ACVR2B: variants seen among roughly 807,000 people sequenced by gnomAD.
ACVR2B encodes activin A receptor type 2B, also known as activin receptor type-2B.
A neutral mutation model predicts 65.1 loss-of-function variants in ACVR2B; 18 were observed. That is an observed-to-expected ratio of 0.28 (90% CI 0.19 to 0.41). The LOEUF is 0.41. Ranked by LOEUF, ACVR2B falls within the 10% of genes least tolerant of loss-of-function variation. The probability of loss-of-function intolerance (pLI) is 1.00; values close to 1 mark genes in which losing one functional copy is unlikely to be tolerated. For synonymous variants in ACVR2B, 298 were observed against 277.7 expected, an observed-to-expected ratio of 1.07 and a Z score of -0.73; for missense variants, 482 against 682.7, an observed-to-expected ratio of 0.71 and a Z score of 3.28.
At chr3:38,454,404 G>A (rs1709505292) in intron 1 of ACVR2B, 30 bp downstream of exon 1, 1 of 1,245,166 alleles carries the variant, frequency 8.0e-7, no homozygotes, top group African/African-American at 1.6e-5. Context: ...CGGGGACGCC[G>A]AGAGGGCGCG....
In ACVR2B at chr3:38,477,426, C is replaced by T. The variant is rs751031604; in HGVS notation, c.192C>T (p.Arg64=). 5.6e-6 allele frequency: 9 copies of T among 1,614,056 alleles called. No individual in the cohort carries two copies. The African/African-American group carries it at 1.1e-4, about 19-fold the overall frequency. ...GGCTGCACTGCTACGCCTCCTGGCG[C>T]AACAGCTCTGGCACCATCGAGCTCG... ...DKRLHCYASW[R]NSSGTIELVK... is the part of the protein sequence containing the mutation. The change falls in exon 2 of 11, where the codon CGC becomes CGT. Residue 64 remains arginine, a synonymous_variant. Transcript: ENST00000352511. The surrounding 1 kb of genome is among the most constrained non-coding windows in gnomAD (Gnocchi z 6.7).
In ACVR2B at chr3:38,479,695, C is replaced by T. The variant is rs200501230; in HGVS notation, c.828C>T (p.Tyr276=). The change falls in exon 7 of 11, where the codon TAC becomes TAT. Residue 276 remains tyrosine, a synonymous_variant. Transcript: ENST00000352511. ...TCTCTCAGGGCTCCCTCACGGATTA[C>T]CTCAAGGGGAACATCATCACATGGA... ...AFHDKGSLTD[Y]LKGNIITWNE... 1 of 1,614,204 alleles carries T rather than the reference C, an allele frequency of 6.2e-7. No homozygotes were observed. Among genetic ancestry groups the T allele is most frequent in the South Asian group, 1.1e-5 (1 of 91,080 alleles).
intron 1 of ACVR2B, among the ~76,000 whole-genome samples, chr3:38,456,090 C>T (rs1367167870): frequency 1.3e-5 from 2 of 152,238 alleles, no homozygotes; most frequent in Non-Finnish European, 2.9e-5. Flanking sequence ...TATGTCCTTT[C>T]TTTTTCCTCT....
At position 38,454,257 on chromosome 3, in the gene ACVR2B, C is replaced by T; in HGVS notation, c.-66C>T. 1.7e-6 allele frequency: 2 copies of T among 1,154,670 alleles called. No individual in the cohort carries two copies. Among genetic ancestry groups the T allele is most frequent in the Non-Finnish European group, 2.1e-6 (2 of 930,644 alleles). 71.5% of individuals were successfully genotyped at this position (1,154,670 alleles called of 1,614,324 possible). On this transcript the variant is annotated 5_prime_UTR_variant, in exon 1 of 11. Transcript: ENST00000352511. The stretch of plus-strand genomic sequence containing the variant: ...AGCGCAGCCGCCGCCTGGCCCTGCG[C>T]GCCCCGGGAGCGCCGTGCGGCCCTG...
chr3:38,459,507 G>C, intron 1 of ACVR2B: 1 of 825,190 alleles, frequency 1.2e-6, no homozygotes, highest in Non-Finnish European at 1.5e-6. Flanking sequence ...TGCTCACCTG[G>C]GGGCCTCAGG....
At position 38,478,521 on chromosome 3, in the gene ACVR2B, G is replaced by A; in HGVS notation, c.666+3G>A. On this transcript the variant is annotated splice_donor_region_variant and intron_variant, in intron 5 of 10. Coordinates refer to ENST00000352511, the MANE Select transcript of ACVR2B (RefSeq NM_001106.4). ...CTGTCAAGATCTTCCCACTCCAGGT[G>A]AGTGTTTGAGGGGCTCCATCCAGGT... 6.2e-7 allele frequency: 1 copy of A among 1,614,098 alleles called. No homozygotes were observed. The highest frequency in any genetic ancestry group is 8.5e-7 in the Non-Finnish European group (1 of 1,180,016).
chr3:38,478,106 A>G (rs755841841), intron 3 of ACVR2B, 35 bp from the exon 4 acceptor site: 3 of 1,610,898 alleles, frequency 1.9e-6, no homozygotes, highest in Non-Finnish European at 2.5e-6. Flanking sequence ...GAGGGTGGGC[A>G]GACTGTTTGA....
chr3:38,454,967 G>A (rs911731704), intron 1 of ACVR2B: 1 of 152,164 alleles, frequency 6.6e-6, no homozygotes, highest in African/African-American at 2.4e-5. Flanking sequence ...TGCGGAGTGT[G>A]GTCGCTTCGC....
chr3:38,477,204 G>T lies in ACVR2B; in HGVS notation c.53-83G>T. On this transcript the variant is annotated intron_variant, in intron 1 of 10. Coordinates refer to ENST00000352511, the MANE Select transcript of ACVR2B (RefSeq NM_001106.4). This position sits in a 1 kb window ranked among gnomAD's most constrained non-coding sequence, Gnocchi z 6.7. ...CACCCGGCCTCCCTCCCTCAGGGTG[G>T]CCTGGCACCCAGGACTGGGAGTAGG... is the stretch of plus-strand genomic sequence containing the variant. 1 of 1,538,988 alleles carries T rather than the reference G, an allele frequency of 6.5e-7. No homozygotes were observed. The highest frequency in any genetic ancestry group is 2.3e-5 in the East Asian group (1 of 42,892).
In ACVR2B at chr3:38,492,337, A is replaced by G. The variant is rs1242773024; in HGVS notation, c.*9005A>G. On this transcript the variant is annotated 3_prime_UTR_variant, in exon 11 of 11. Coordinates refer to ENST00000352511, the MANE Select transcript of ACVR2B (RefSeq NM_001106.4). ...TTGAGCTGTGTTACCTAACTTGTAT[A>G]TAAAAATTGTAATTAAAAGTTTGGG... is the stretch of plus-strand genomic sequence containing the variant. 6.6e-6 allele frequency: 1 copy of G among 152,640 alleles called. No individual in the cohort carries two copies. The highest frequency in any genetic ancestry group is 2.4e-5 in the African/African-American group (1 of 41,444). The allele number at this position is 152,640 out of a possible 1,614,324, so 9.5% of individuals were successfully genotyped here.
intron 7 of ACVR2B, 145 bp downstream of exon 7, chr3:38,479,971 C>T: frequency 6.1e-6 from 7 of 1,146,656 alleles, no homozygotes; most frequent in Non-Finnish European, 8.7e-6. Context: ...GGGCACAAAA[C>T]CTGGCCTTCC....
intron 1 of ACVR2B, among the ~76,000 whole-genome samples, chr3:38,455,423 G>A (rs1376083313): frequency 6.6e-6 from 1 of 152,130 alleles, no homozygotes. Flanking sequence ...CGGGTCCCCC[G>A]CCGCCCTCGG....
At chr3:38,476,855 A>C in intron 1 of ACVR2B, 1 of 274,262 alleles carries the variant, frequency 3.6e-6, no homozygotes, top group Non-Finnish European at 7.1e-6. Context: ...ACATACAGTG[A>C]TTCCGATGTG....
In ACVR2B at chr3:38,483,390, G is replaced by GTTGTGTT. The variant is rs1710055412; in HGVS notation, c.*63_*69dup. The GTTGTGTT allele has an allele frequency of 3.1e-6, 5 of 1,589,434 alleles. No homozygotes were observed. The highest frequency in any genetic ancestry group is 4.3e-6 in the Non-Finnish European group (5 of 1,159,412). ...GGATCTGAAGAAAAAAGGAAAAAAA[G>GTTGTGTT]TTGTGTTTTGTTTTGGAAATCCCAT... On this transcript the variant is annotated 3_prime_UTR_variant, in exon 11 of 11. Coordinates refer to ENST00000352511, the MANE Select transcript of ACVR2B (RefSeq NM_001106.4). This position sits in a 1 kb window ranked among gnomAD's most constrained non-coding sequence, Gnocchi z 4.8.
At chr3:38,475,736 G>A (rs1709895693) in intron 1 of ACVR2B, 1 of 152,530 alleles carries the variant, frequency 6.6e-6, no homozygotes, top group African/African-American at 2.4e-5. Context: ...GGCTACGCTA[G>A]TGTTCAGGGT....
At chr3:38,466,485 G>A (rs1709729926) in intron 1 of ACVR2B, among the ~76,000 whole-genome samples, 1 of 150,340 alleles carries the variant, frequency 6.7e-6, no homozygotes, top group Admixed American at 6.7e-5. Context: ...GTTATTACGT[G>A]TCAATTTTTA....
chr3:38,477,308 A>G lies in ACVR2B; in HGVS notation c.74A>G (p.Glu25Gly). 6.2e-7 allele frequency: 1 copy of G among 1,614,096 alleles called. No homozygotes were observed. Among genetic ancestry groups the G allele is most frequent in the Non-Finnish European group, 8.5e-7 (1 of 1,179,966 alleles). The change falls in exon 2 of 11, where the codon GAG (glutamate) becomes GGG (glycine). Residue 25 changes from glutamate to glycine, a missense_variant. By Grantham distance (98) the Glu-to-Gly change is moderately conservative. Transcript: ENST00000352511. The surrounding 1 kb of genome is among the most constrained non-coding windows in gnomAD (Gnocchi z 6.7). ...LCAGSGRGEA[E>G]TRECIYYNAN... Reference sequence around the variant, plus strand: ...ACAGGCTCTGGGCGTGGGGAGGCTGAGACACGGGAGTGCATCTACTACAAC... The same window carrying G: ...ACAGGCTCTGGGCGTGGGGAGGCTGGGACACGGGAGTGCATCTACTACAAC...
rs2059818225 is a variant in ACVR2B, at chr3:38,492,616, CAA to C, written c.*9287_*9288del. The C allele has an allele frequency of 7.2e-6, 1 of 139,618 alleles. No individual in the cohort carries two copies. The highest frequency in any genetic ancestry group is 2.6e-5 in the African/African-American group (1 of 37,780). The allele number at this position is 139,618 out of a possible 1,614,324, so 8.6% of individuals were successfully genotyped here. On this transcript the variant is annotated 3_prime_UTR_variant, in exon 11 of 11. Coordinates refer to ENST00000352511, the MANE Select transcript of ACVR2B (RefSeq NM_001106.4). Reference sequence around the variant, plus strand: ...GAAATAGCTTGTACTACTGAATTAACAAAAGTTATACTAAAGTATCATGTTTA... The same window carrying C: ...GAAATAGCTTGTACTACTGAATTAACAAGTTATACTAAAGTATCATGTTTA...
intron 1 of ACVR2B, among the ~76,000 whole-genome samples, chr3:38,457,264 A>G (rs1050369307): frequency 6.6e-6 from 1 of 152,240 alleles, no homozygotes; most frequent in African/African-American, 2.4e-5. Context: ...TGAGATCAGT[A>G]TTAAAACGAG....
Sources: gnomAD v4.1 joint callset for allele counts (sites outside exome capture counted in the v4.1 genomes callset) on GRCh38, gnomAD v4.1.1 for gene constraint, Gnocchi (gnomAD v3.1) non-coding constraint, MANE v1.5 for transcripts, NCBI Gene and HGNC (gene_info 2026-07-23, HGNC 2026-07-21) for gene names.